Variants in CYP7B1 observed in about 807,000 individuals in gnomAD.
The protein encoded by CYP7B1 is cytochrome P450 7B1.
CYP7B1 carries 29 observed loss-of-function variants against 42.7 expected under a neutral mutation model. The observed-to-expected ratio is 0.68, with a 90% confidence interval of 0.51 to 0.93. The LOEUF is 0.93. Ranked by LOEUF, CYP7B1 falls within the 40% of genes least tolerant of loss-of-function variation. CYP7B1 has a pLI of 0.00. For synonymous variants in CYP7B1, 235 were observed against 218.2 expected (o/e 1.08, Z -0.68); for missense variants, 655 against 600.5 (o/e 1.09, Z -0.95).
chr8:64,705,008 C>T lies in CYP7B1; in HGVS notation c.123-80469G>A, dbSNP rs187264716. On this transcript the variant is annotated intron_variant, in intron 1 of 5. Coordinates refer to ENST00000310193, the MANE Select transcript of CYP7B1 (RefSeq NM_004820.5). ...GCCTACTCAGTAATTACCTATGATC[C>T]CATTTACTGATAATTCTCAACCTAG... 4.9e-4 allele frequency among the ~76,000 whole-genome samples: 74 copies of T among 152,028 alleles called. 2 individuals are homozygous for T. The East Asian group carries it at 0.014, about 29-fold the overall frequency.
chr8:64,633,412 G>A (rs1406990229), intron 1 of CYP7B1, among the ~76,000 whole-genome samples: 6 of 152,000 alleles, frequency 3.9e-5, no homozygotes, highest in African/African-American at 1.4e-4. Flanking sequence ...AAAGTTGCAA[G>A]GTACAAGATT....
chr8:64,668,413 A>AT (rs149240078), intron 1 of CYP7B1, among the ~76,000 whole-genome samples: 6,311 of 151,158 alleles, frequency 0.042, 182 homozygotes, highest in Non-Finnish European at 0.06. Context: ...CTCATATTTT[A>AT]TTTTTTTTTA....
At chr8:64,728,826 G>A (rs992290037) in intron 1 of CYP7B1, 8 of 152,170 alleles carry the variant, frequency 5.3e-5, no homozygotes, top group Non-Finnish European at 1.5e-5. Flanking sequence ...AATGCAATGA[G>A]TGAAAAAAGA....
chr8:64,780,176 T>C (rs1804397639), intron 1 of CYP7B1, among the ~76,000 whole-genome samples: 1 of 152,132 alleles, frequency 6.6e-6, no homozygotes, highest in Admixed American at 6.6e-5. Context: ...TAGGTTTCAA[T>C]TTGTATGCAG....
At chr8:64,636,212 C>T (rs1805768282) in intron 1 of CYP7B1, among the ~76,000 whole-genome samples, 1 of 152,146 alleles carries the variant, frequency 6.6e-6, no homozygotes, top group Non-Finnish European at 1.5e-5. Flanking sequence ...AGCCTCCTGG[C>T]TAATGTCACT....
intron 1 of CYP7B1, among the ~76,000 whole-genome samples, chr8:64,728,704 G>A (rs4269577): frequency 0.97 from 147,051 of 152,320 alleles, 71,088 homozygotes; most frequent in African/African-American, 0.99. Flanking sequence ...GATTATTATC[G>A]TTAAGAAAAA....
chr8:64,608,271 C>G (rs1425882999), intron 4 of CYP7B1, among the ~76,000 whole-genome samples: 3 of 152,200 alleles, frequency 2.0e-5, no homozygotes, highest in Non-Finnish European at 4.4e-5. Flanking sequence ...TCAATTCTGG[C>G]TGTAATAAAG....
At chr8:64,723,032 T>C (rs1807269978) in intron 1 of CYP7B1, among the ~76,000 whole-genome samples, 1 of 152,156 alleles carries the variant, frequency 6.6e-6, no homozygotes, top group Non-Finnish European at 1.5e-5. Flanking sequence ...ATACATTTGA[T>C]TAATAAACTA....
intron 4 of CYP7B1, among the ~76,000 whole-genome samples, chr8:64,609,671 G>C (rs953033868): frequency 2.0e-5 from 3 of 152,150 alleles, no homozygotes; most frequent in Non-Finnish European, 1.5e-5. Flanking sequence ...TATGTCCCTA[G>C]ACACCATGCT....
At chr8:64,743,188 C>A (rs1262291730) in intron 1 of CYP7B1, among the ~76,000 whole-genome samples, 2 of 152,266 alleles carry the variant, frequency 1.3e-5, no homozygotes, top group Non-Finnish European at 1.5e-5. Context: ...TTTAAACTAT[C>A]TCTGGGGTTT....
At chr8:64,644,484 G>A (rs73237792) in intron 1 of CYP7B1, among the ~76,000 whole-genome samples, 1 of 151,894 alleles carries the variant, frequency 6.6e-6, no homozygotes, top group Non-Finnish European at 1.5e-5. Context: ...TAAATAATAA[G>A]AATTTAAAGT....
chr8:64,710,857 A>T (rs1051042499), intron 1 of CYP7B1, among the ~76,000 whole-genome samples: 9 of 151,464 alleles, frequency 5.9e-5, no homozygotes, highest in African/African-American at 2.2e-4. Flanking sequence ...TTTCAAACTA[A>T]GCTTCATATT....
intron 1 of CYP7B1, among the ~76,000 whole-genome samples, chr8:64,688,845 C>T (rs1232266518): frequency 6.6e-6 from 1 of 152,114 alleles, no homozygotes; most frequent in African/African-American, 2.4e-5. Context: ...GAGGATTGCT[C>T]AACCTGGGAG....
At chr8:64,587,242 C>CCCGAAGGGATTCGGGATCCGCAT (rs1563533135), downstream of CYP7B1, among the ~76,000 whole-genome samples, 8 of 151,956 alleles carry the variant, frequency 5.3e-5, no homozygotes, top group South Asian at 2.1e-4. Context: ...GCGCAGTGCT[C>CCCGAAGGGATTCGGGATCCGCAT]CCGAAGGGAT....
chr8:64,726,769 A>G (rs1052413168), intron 1 of CYP7B1, among the ~76,000 whole-genome samples: 1 of 152,232 alleles, frequency 6.6e-6, no homozygotes, highest in African/African-American at 2.4e-5. Context: ...GATCATCTGT[A>G]TAGCAGACAA....
At chr8:64,597,940 G>T (rs1805142848) in intron 5 of CYP7B1, among the ~76,000 whole-genome samples, 1 of 152,128 alleles carries the variant, frequency 6.6e-6, no homozygotes. Flanking sequence ...AAGCATTTCA[G>T]GTTAAGGTGA....
At chr8:64,770,832 C>A (rs901233376) in intron 1 of CYP7B1, among the ~76,000 whole-genome samples, 1 of 152,076 alleles carries the variant, frequency 6.6e-6, no homozygotes, top group Non-Finnish European at 1.5e-5. Context: ...TTTCCCTTCC[C>A]CATAAATATC....
intron 1 of CYP7B1, among the ~76,000 whole-genome samples, chr8:64,671,187 T>C (rs1032674657): frequency 6.6e-6 from 1 of 152,080 alleles, no homozygotes; most frequent in African/African-American, 2.4e-5. Flanking sequence ...TCCCCCTCCA[T>C]GTATACACAA....
At chr8:64,633,528 T>A (rs1805727326) in intron 1 of CYP7B1, among the ~76,000 whole-genome samples, 1 of 152,128 alleles carries the variant, frequency 6.6e-6, no homozygotes, top group African/African-American at 2.4e-5. Context: ...ATATACAAAG[T>A]TAACTTAGTG....
Sources: gnomAD v4.1 joint callset for allele counts (sites outside exome capture counted in the v4.1 genomes callset) on GRCh38, gnomAD v4.1.1 for gene constraint, MANE v1.5 for transcripts, NCBI Gene and HGNC (gene_info 2026-07-23, HGNC 2026-07-21) for gene names.